The following RAB33A variants were observed in gnomAD, a reference collection of about 807,000 sequenced individuals.
RAB33A encodes the protein RAB33A, member RAS oncogene family.
A neutral mutation model predicts 12.0 loss-of-function variants in RAB33A; 6 were observed. The observed-to-expected ratio is 0.50, with a 90% confidence interval of 0.27 to 0.99. The LOEUF is 0.99. Ranked by LOEUF, RAB33A falls within the 50% of genes least tolerant of loss-of-function variation. The probability of loss-of-function intolerance (pLI) is 0.11; values close to 1 mark genes in which losing one functional copy is unlikely to be tolerated. For synonymous variants in RAB33A, 70 were observed against 82.4 expected (o/e 0.85, Z 0.81); for missense variants, 109 against 192.0 (o/e 0.57, Z 2.55).
chrX:130,136,124 G>C, the RAB33A span: 1 of 1,211,751 alleles, frequency 8.3e-7, no homozygotes, highest in East Asian at 3.0e-5. Flanking sequence ...CAGGCCACCA[G>C]TCTTGGCCAA....
At chrX:130,135,993 T>C in the RAB33A span, 124 of 1,204,828 alleles carry the variant, frequency 1.0e-4, no homozygotes, top group Admixed American at 2.6e-3. Context: ...GGCAGACTTG[T>C]TCACAGGCTA....
chrX:130,121,630 G>A, the RAB33A span, among the ~76,000 whole-genome samples: 1 of 112,852 alleles, frequency 8.9e-6, no homozygotes, highest in East Asian at 2.8e-4. Flanking sequence ...GGAGGGCGGT[G>A]GCGCGTGGGA....
At chrX:130,112,083 G>A in the RAB33A span, among the ~76,000 whole-genome samples, 2 of 111,817 alleles carry the variant, frequency 1.8e-5, no homozygotes, top group African/African-American at 6.5e-5. Context: ...CATCTCAGGC[G>A]CAGGACTGGG....
the RAB33A span, among the ~76,000 whole-genome samples, chrX:130,161,340 G>A: frequency 1.0e-4 from 11 of 109,014 alleles, no homozygotes; most frequent in South Asian, 2.4e-3. Context: ...GTGAAACCCC[G>A]TCTCCACTAA....
chrX:130,165,554 G>A, the RAB33A span: 1,159 of 1,189,312 alleles, frequency 9.7e-4, 6 homozygotes, highest in African/African-American at 0.018. Context: ...CAGTCACCTG[G>A]GAGCCGGTTC....
At chrX:130,156,735 T>A in the RAB33A span, 1 of 737,020 alleles carries the variant, frequency 1.4e-6, no homozygotes, top group Non-Finnish European at 2.0e-6. Flanking sequence ...TCAAGAAAAA[T>A]ATCATCAAAA....
chrX:130,159,828 C>CT, the RAB33A span, among the ~76,000 whole-genome samples: 26 of 101,945 alleles, frequency 2.6e-4, no homozygotes, highest in East Asian at 6.0e-4. Flanking sequence ...AGTAAATGGA[C>CT]TTTTTTTTTT....
the RAB33A span, among the ~76,000 whole-genome samples, chrX:130,115,879 T>G: frequency 9.0e-6 from 1 of 111,130 alleles, no homozygotes; most frequent in African/African-American, 3.3e-5. Flanking sequence ...GTACTCATTC[T>G]TCTGTTGCAT....
Position 130,172,074 on chromosome X carries a change from C to T in RAB33A, c.12C>T (p.Pro4=), listed in dbSNP as rs773808334. ...TCGGTCCGGGGGAGATGGCGCAGCC[C>T]ATCCTGGGCCATGGGAGCCTGCAGC... MAQ[P]ILGHGSLQPA... The change falls in exon 1 of 2, where the codon CCC becomes CCT. Residue 4 remains proline (P), a synonymous_variant. Coordinates refer to ENST00000257017, the MANE Select transcript of RAB33A (RefSeq NM_004794.3). The T allele has an allele frequency of 5.8e-6, 7 of 1,208,289 alleles. No individual in the cohort carries two copies. Among genetic ancestry groups the T allele is most frequent in the Non-Finnish European group, 7.8e-6 (7 of 893,887 alleles).
At chrX:130,142,730 C>T in the RAB33A span, among the ~76,000 whole-genome samples, 1 of 111,606 alleles carries the variant, frequency 9.0e-6, no homozygotes, top group South Asian at 3.8e-4. Flanking sequence ...ACTGCAACCT[C>T]CGCCTCCTGG....
chrX:130,165,675 G>C, the RAB33A span: 4 of 1,159,291 alleles, frequency 3.5e-6, no homozygotes, highest in Non-Finnish European at 4.7e-6. Context: ...CCGCTATTCG[G>C]GACCTCCTCC....
chrX:130,167,271 C>T (rs183256982), upstream of RAB33A, among the ~76,000 whole-genome samples: 5 of 112,867 alleles, frequency 4.4e-5, no homozygotes, highest in African/African-American at 1.6e-4. Flanking sequence ...TTAATTGTGC[C>T]TCATTTTCCT....
chrX:130,119,298 T>C, the RAB33A span, among the ~76,000 whole-genome samples: 1 of 111,807 alleles, frequency 8.9e-6, no homozygotes, highest in Non-Finnish European at 1.9e-5. Context: ...GTTGAGTTTG[T>C]GATGCTGAGT....
At chrX:130,117,338 G>A in the RAB33A span, among the ~76,000 whole-genome samples, 1 of 112,795 alleles carries the variant, frequency 8.9e-6, no homozygotes, top group Non-Finnish European at 1.9e-5. Context: ...GCTCAGGAGG[G>A]CTGGCTGCCT....
chrX:130,129,928 C>T, the RAB33A span: 9 of 1,195,277 alleles, frequency 7.5e-6, no homozygotes, highest in South Asian at 3.5e-5. Context: ...GTTTCTAAGC[C>T]GTACTTCCCA....
At chrX:130,131,877 AT>A in the RAB33A span, 50,143 of 755,242 alleles carry the variant, frequency 0.066, no homozygotes, top group Non-Finnish European at 0.069. Flanking sequence ...ATGACACTGC[AT>A]TTTTTTTTTT....
intron 1 of RAB33A, 78 bp from the exon 2 acceptor site, chrX:130,184,207 G>A (rs2031761869): frequency 1.0e-6 from 1 of 961,771 alleles, no homozygotes. Flanking sequence ...CATTTTTATA[G>A]TGCTACAGAA....
the RAB33A span, among the ~76,000 whole-genome samples, chrX:130,160,934 T>C: frequency 6.4e-5 from 7 of 109,773 alleles, no homozygotes; most frequent in African/African-American, 2.0e-4. Flanking sequence ...AAAATAAACT[T>C]AAGAGTTTTT....
At chrX:130,170,815 G>A (rs2073812520), upstream of RAB33A, among the ~76,000 whole-genome samples, 1 of 112,686 alleles carries the variant, frequency 8.9e-6, no homozygotes, top group African/African-American at 3.2e-5. Context: ...TGGTTATATG[G>A]AGGGCTTGGG....
Sources: gnomAD v4.1 joint callset for allele counts (sites outside exome capture counted in the v4.1 genomes callset) on GRCh38, gnomAD v4.1.1 for gene constraint, MANE v1.5 for transcripts, NCBI Gene and HGNC (gene_info 2026-07-23, HGNC 2026-07-21) for gene names.